CDC42SE2: variants seen among roughly 807,000 people sequenced by gnomAD.
CDC42SE2 encodes the protein CDC42 small effector protein 2.
CDC42SE2 carries 3 observed loss-of-function variants against 11.5 expected under a neutral mutation model. The ratio of observed to expected loss-of-function variants is 0.26; its 90% CI spans 0.12 to 0.67. The LOEUF (loss-of-function observed/expected upper bound fraction) is 0.67, where lower values mean the gene tolerates loss of function less well. Ranked by LOEUF, CDC42SE2 falls within the 30% of genes least tolerant of loss-of-function variation. The pLI is 0.80. For missense variants in CDC42SE2, 82 were observed against 106.8 expected, an observed-to-expected ratio of 0.77 and a Z score of 1.02; for synonymous variants, 33 against 34.8, an observed-to-expected ratio of 0.95 and a Z score of 0.18.
At chr5:131,246,828 C>G (rs927148459) in intron 1 of CDC42SE2, among the ~76,000 whole-genome samples, 1 of 144,606 alleles carries the variant, frequency 6.9e-6, no homozygotes, top group Admixed American at 7.3e-5. Context: ...ACCACAATCT[C>G]TGCCTCCGGG....
intron 2 of CDC42SE2, among the ~76,000 whole-genome samples, chr5:131,341,929 A>G (rs1758720426): frequency 6.6e-6 from 1 of 151,732 alleles, no homozygotes; most frequent in Non-Finnish European, 1.5e-5. Flanking sequence ...AATTATACCA[A>G]GTAGTCTAAA....
intron 2 of CDC42SE2, among the ~76,000 whole-genome samples, chr5:131,323,005 G>T (rs1293166184): frequency 1.3e-5 from 2 of 151,976 alleles, no homozygotes; most frequent in African/African-American, 4.8e-5. Context: ...ATCCTAAGGG[G>T]TGTGAGGTGA....
the CDC42SE2 span, among the ~76,000 whole-genome samples, chr5:131,210,255 G>C: frequency 2.6e-5 from 4 of 152,192 alleles, no homozygotes; most frequent in Admixed American, 6.5e-5. Flanking sequence ...AGGTGCTGGA[G>C]GCAATTTATT....
chr5:131,210,983 G>A, the CDC42SE2 span, among the ~76,000 whole-genome samples: 2 of 152,170 alleles, frequency 1.3e-5, no homozygotes, highest in Non-Finnish European at 2.9e-5. Flanking sequence ...GACTACAGGT[G>A]TGCACCATCA....
chr5:131,301,197 A>G (rs187454031), intron 1 of CDC42SE2, among the ~76,000 whole-genome samples: 272 of 152,284 alleles, frequency 1.8e-3, no homozygotes, highest in Non-Finnish European at 3.1e-3. Flanking sequence ...TAGGGGGAAG[A>G]AGGAGAGAGG....
chr5:131,236,685 T>C, the CDC42SE2 span, among the ~76,000 whole-genome samples: 1 of 152,168 alleles, frequency 6.6e-6, no homozygotes, highest in Non-Finnish European at 1.5e-5. Flanking sequence ...CCTCGGCCTC[T>C]CATGCTGAGA....
At chr5:131,235,823 G>T in the CDC42SE2 span, among the ~76,000 whole-genome samples, 2 of 151,284 alleles carry the variant, frequency 1.3e-5, no homozygotes, top group Non-Finnish European at 2.9e-5. Context: ...TCGAACTCCT[G>T]ACCTGGTGGA....
rs763857152 is a variant in CDC42SE2, at chr5:131,320,054, GAAAAAAAAAAAAAA to G, written c.-286+3924_-286+3937del. Among the ~76,000 whole-genome samples, 43 of 62,788 alleles carry G rather than the reference GAAAAAAAAAAAAAA, an allele frequency of 6.8e-4. No individual in the cohort carries two copies. In the South Asian group the frequency reaches 0.014, roughly 20 times the overall value. 41.2% of individuals were successfully genotyped at this position (62,788 alleles called of 152,430 possible). On this transcript the variant is annotated intron_variant, in intron 2 of 4. Coordinates refer to ENST00000505065, the MANE Select transcript of CDC42SE2 (RefSeq NM_001375635.1). Reference sequence around the variant, plus strand: ...GGACAGAGCAAGACTCCGTCTTAAAGAAAAAAAAAAAAAAAAAAAAAAAAAAAGAACATTTAAAA... The same window carrying G: ...GGACAGAGCAAGACTCCGTCTTAAAGAAAAAAAAAAAAAGAACATTTAAAA...
chr5:131,227,609 C>T, the CDC42SE2 span, among the ~76,000 whole-genome samples: 2 of 152,198 alleles, frequency 1.3e-5, no homozygotes, highest in Non-Finnish European at 2.9e-5. Flanking sequence ...CACATTTAAT[C>T]ATCCTTTGGC....
the CDC42SE2 span, among the ~76,000 whole-genome samples, chr5:131,224,996 T>C: frequency 6.6e-6 from 1 of 151,772 alleles, no homozygotes; most frequent in Non-Finnish European, 1.5e-5. Flanking sequence ...GGGGTCCACA[T>C]GAAGCAGCTA....
intron 1 of CDC42SE2, among the ~76,000 whole-genome samples, chr5:131,266,220 A>G (rs1044352646): frequency 3.9e-5 from 6 of 152,282 alleles, no homozygotes; most frequent in African/African-American, 1.2e-4. Flanking sequence ...CTATTTATAT[A>G]TGTTTAAAAA....
At chr5:131,390,448 G>T (rs1263293502) in intron 4 of CDC42SE2, among the ~76,000 whole-genome samples, 1 of 152,166 alleles carries the variant, frequency 6.6e-6, no homozygotes, top group East Asian at 1.9e-4. Context: ...ACTTTGGGAG[G>T]CCGAAGCAGT....
At chr5:131,293,202 T>C (rs1272189876) in intron 1 of CDC42SE2, among the ~76,000 whole-genome samples, 1 of 152,118 alleles carries the variant, frequency 6.6e-6, no homozygotes, top group African/African-American at 2.4e-5. Flanking sequence ...TTAGTGCTCT[T>C]GTAAAAGAGA....
At chr5:131,357,206 G>A (rs1749576795) in intron 2 of CDC42SE2, among the ~76,000 whole-genome samples, 1 of 152,150 alleles carries the variant, frequency 6.6e-6, no homozygotes, top group African/African-American at 2.4e-5. Context: ...AAACATTCCA[G>A]GTTCTGAATT....
intron 3 of CDC42SE2, among the ~76,000 whole-genome samples, chr5:131,378,865 T>C (rs1750232231): frequency 6.6e-6 from 1 of 152,172 alleles, no homozygotes; most frequent in Non-Finnish European, 1.5e-5. Flanking sequence ...CACAAAGATA[T>C]GCTGTTAAAA....
intron 4 of CDC42SE2, among the ~76,000 whole-genome samples, chr5:131,388,724 C>T (rs1750563578): frequency 6.6e-6 from 1 of 152,144 alleles, no homozygotes; most frequent in African/African-American, 2.4e-5. Flanking sequence ...ATAAAGGTTA[C>T]TTAAGATAAA....
At chr5:131,390,890 A>G (rs1047560438) in intron 4 of CDC42SE2, 103 bp from the exon 5 acceptor site, 3 of 697,326 alleles carry the variant, frequency 4.3e-6, no homozygotes, top group Non-Finnish European at 6.9e-6. Context: ...TACCCTTCTG[A>G]AAAAAGCAGC....
In CDC42SE2 at chr5:131,290,486, GT is replaced by G. The variant is rs532593648; in HGVS notation, c.-454-25476del. Among the ~76,000 whole-genome samples the G allele has an allele frequency of 4.3e-3, 440 of 103,084 alleles. 1 individual carries two copies. Among genetic ancestry groups the G allele is most frequent in the African/African-American group, 0.015 (402 of 27,172 alleles). The allele number at this position is 103,084 out of a possible 152,430, so 67.6% of individuals were successfully genotyped here. A position where few individuals can be genotyped will look rare whatever the true frequency, so the allele number is the denominator to read the frequency against. The stretch of plus-strand genomic sequence containing the variant: ...CTTTTTTCTTTCTTTTTTTTTTTTT[GT>G]TTTTTTTTTTTTTGAGACAGGGTAT... On this transcript the variant is annotated intron_variant, in intron 1 of 4. Coordinates refer to ENST00000505065, the MANE Select transcript of CDC42SE2 (RefSeq NM_001375635.1).
chr5:131,260,576 G>T (rs1263086141), upstream of CDC42SE2, among the ~76,000 whole-genome samples: 1 of 144,746 alleles, frequency 6.9e-6, no homozygotes, highest in Non-Finnish European at 1.5e-5. Flanking sequence ...AGTGAGCCAA[G>T]ATTGCACCAC....
Sources: allele counts gnomAD v4.1 joint callset (sites outside exome capture counted in the v4.1 genomes callset), GRCh38; gene constraint gnomAD v4.1.1; transcripts MANE v1.5; gene names NCBI Gene and HGNC (gene_info 2026-07-23, HGNC 2026-07-21).